The following KCTD8 variants were observed in gnomAD, a reference collection of about 807,000 sequenced individuals.
KCTD8 encodes BTB/POZ domain-containing protein KCTD8.
KCTD8 carries 27 observed loss-of-function variants against 31.5 expected under a neutral mutation model. The ratio of observed to expected loss-of-function variants is 0.86; its 90% confidence interval spans 0.63 to 1.18. The LOEUF is 1.18. KCTD8 is among the 50% of genes most tolerant of loss of function. The pLI, the probability that KCTD8 is intolerant of heterozygous loss-of-function variation, is 0.00. For synonymous variants in KCTD8, 290 were observed against 280.0 expected (o/e 1.04, Z -0.36); for missense variants, 658 against 647.7 (o/e 1.02, Z -0.17).
intron 1 of KCTD8, among the ~76,000 whole-genome samples, chr4:44,175,610 A>C (rs949924948): frequency 6.6e-6 from 1 of 152,236 alleles, no homozygotes; most frequent in African/African-American, 2.4e-5. Flanking sequence ...TTAGCCCTCT[A>C]TCTGTTTTGT....
chr4:44,267,153 T>C (rs2109369288), intron 1 of KCTD8, among the ~76,000 whole-genome samples: 1 of 152,182 alleles, frequency 6.6e-6, no homozygotes, highest in Non-Finnish European at 1.5e-5. Flanking sequence ...AGTAAAGCTC[T>C]CCTCAGCAAA....
At chr4:44,192,369 A>G (rs892131113) in intron 1 of KCTD8, among the ~76,000 whole-genome samples, 2 of 152,064 alleles carry the variant, frequency 1.3e-5, no homozygotes, top group Admixed American at 1.3e-4. Context: ...GGTATTATTT[A>G]GCCTATTATT....
intron 1 of KCTD8, among the ~76,000 whole-genome samples, chr4:44,397,578 C>A (rs2109454152): frequency 6.6e-6 from 1 of 152,102 alleles, no homozygotes; most frequent in South Asian, 2.1e-4. Context: ...GCGGAGGAAC[C>A]AAGTCTTAAA....
At chr4:44,185,021 A>T (rs1183020858) in intron 1 of KCTD8, among the ~76,000 whole-genome samples, 3 of 152,252 alleles carry the variant, frequency 2.0e-5, no homozygotes, top group Admixed American at 6.5e-5. Flanking sequence ...ATATCAGAGA[A>T]AATATAATGT....
intron 1 of KCTD8, among the ~76,000 whole-genome samples, chr4:44,441,751 T>C (rs964258982): frequency 2.0e-5 from 3 of 152,178 alleles, no homozygotes; most frequent in African/African-American, 4.8e-5. Context: ...AGGAATGTTA[T>C]AAGAAATAAA....
intron 1 of KCTD8, among the ~76,000 whole-genome samples, chr4:44,179,275 C>T (rs534446007): frequency 9.9e-5 from 15 of 151,420 alleles, no homozygotes; most frequent in East Asian, 5.8e-4. Context: ...AGGGCATGGT[C>T]GGAAATAGAG....
intron 1 of KCTD8, among the ~76,000 whole-genome samples, chr4:44,309,803 T>C (rs909037417): frequency 2.0e-5 from 3 of 152,250 alleles, no homozygotes; most frequent in African/African-American, 4.8e-5. Context: ...AAAAGCTTTT[T>C]GTGTTTTTGA....
chr4:44,366,699 C>A (rs765398040), intron 1 of KCTD8, among the ~76,000 whole-genome samples: 10 of 152,086 alleles, frequency 6.6e-5, no homozygotes, highest in Non-Finnish European at 1.2e-4. Flanking sequence ...ATATTGTAGC[C>A]ACAGTTCCTT....
intron 1 of KCTD8, among the ~76,000 whole-genome samples, chr4:44,267,114 C>A (rs1006806131): frequency 1.3e-5 from 2 of 152,088 alleles, no homozygotes; most frequent in South Asian, 2.1e-4. Flanking sequence ...CCACACCACA[C>A]CTATTCCAAA....
intron 1 of KCTD8, among the ~76,000 whole-genome samples, chr4:44,286,483 C>G (rs1210762224): frequency 1.3e-5 from 2 of 152,110 alleles, no homozygotes; most frequent in Non-Finnish European, 2.9e-5. Flanking sequence ...CCATAACTGA[C>G]TACTTTTCCC....
intron 1 of KCTD8, among the ~76,000 whole-genome samples, chr4:44,300,060 A>G (rs1717563822): frequency 6.6e-6 from 1 of 152,024 alleles, no homozygotes; most frequent in Non-Finnish European, 1.5e-5. Context: ...GCCTTAGGTG[A>G]TTTTTAAAAA....
chr4:44,200,316 AG>A (rs1714100837), intron 1 of KCTD8, among the ~76,000 whole-genome samples: 1 of 151,942 alleles, frequency 6.6e-6, no homozygotes, highest in Non-Finnish European at 1.5e-5. Flanking sequence ...CTATGAAGCC[AG>A]TATCATCCTG....
At chr4:44,266,372 T>C (rs1716366682) in intron 1 of KCTD8, among the ~76,000 whole-genome samples, 1 of 152,082 alleles carries the variant, frequency 6.6e-6, no homozygotes, top group African/African-American at 2.4e-5. Context: ...CAGGCCTGCC[T>C]TACAAGAGCT....
At chr4:44,443,992 T>G (rs892738495) in intron 1 of KCTD8, among the ~76,000 whole-genome samples, 1 of 152,146 alleles carries the variant, frequency 6.6e-6, no homozygotes, top group Non-Finnish European at 1.5e-5. Flanking sequence ...ATCTTCAGTA[T>G]TAGAAGAATA....
intron 1 of KCTD8, among the ~76,000 whole-genome samples, chr4:44,276,738 C>G (rs936856251): frequency 1.2e-4 from 18 of 151,898 alleles, no homozygotes; most frequent in African/African-American, 4.3e-4. Context: ...CATACATTAG[C>G]TATTTTACTC....
chr4:44,212,648 C>T (rs1714524324), intron 1 of KCTD8, among the ~76,000 whole-genome samples: 1 of 152,020 alleles, frequency 6.6e-6, no homozygotes, highest in Non-Finnish European at 1.5e-5. Context: ...AAAAAAATTC[C>T]AGTGCTTTCT....
intron 1 of KCTD8, among the ~76,000 whole-genome samples, chr4:44,181,942 G>T (rs1244958164): frequency 7.1e-6 from 1 of 139,978 alleles, no homozygotes; most frequent in African/African-American, 2.6e-5. Flanking sequence ...CCCGGCAGCC[G>T]CCCCCTCTGA....
chr4:44,175,290 T>C, intron 1 of KCTD8, 40 bp from the exon 2 acceptor site: 1 of 1,231,856 alleles, frequency 8.1e-7, no homozygotes, highest in Non-Finnish European at 1.1e-6. Context: ...GTAGAACAGT[T>C]GAATAAGAAG....
At chr4:44,333,976 C>T (rs1387955) in intron 1 of KCTD8, among the ~76,000 whole-genome samples, 138,045 of 152,116 alleles carry the variant, frequency 0.91, 62,836 homozygotes, top group East Asian at 1. Context: ...CTGTTAGAAG[C>T]ATGAGAAAAA....
Sources: gnomAD v4.1 joint callset for allele counts (sites outside exome capture counted in the v4.1 genomes callset) on GRCh38, gnomAD v4.1.1 for gene constraint, MANE v1.5 for transcripts, NCBI Gene and HGNC (gene_info 2026-07-23, HGNC 2026-07-21) for gene names.